Variants in ARFGAP3 observed in about 807,000 individuals in gnomAD.
The protein encoded by ARFGAP3 is ADP-ribosylation factor GTPase-activating protein 3.
In ARFGAP3, 72 loss-of-function variants were observed where a neutral mutation model predicts 75.0. The observed-to-expected ratio is 0.96, with a 90% confidence interval of 0.79 to 1.17. ARFGAP3 has a LOEUF of 1.17. Among genes scored for constraint, ARFGAP3 ranks in the 50% most tolerant of loss-of-function variants. The pLI is 0.00. For synonymous variants in ARFGAP3, 221 were observed against 217.9 expected (o/e 1.01, Z -0.13); for missense variants, 620 against 626.6 (o/e 0.99, Z 0.11).
intron 6 of ARFGAP3, among the ~76,000 whole-genome samples, chr22:42,829,182 C>A (rs1196042304): frequency 6.6e-6 from 1 of 152,192 alleles, no homozygotes; most frequent in East Asian, 1.9e-4. Flanking sequence ...CAATCTCTCT[C>A]TGGAAGAGCT....
At chr22:42,803,774 T>G (rs1290217707) in intron 14 of ARFGAP3, among the ~76,000 whole-genome samples, 3 of 152,058 alleles carry the variant, frequency 2.0e-5, no homozygotes, top group Non-Finnish European at 4.4e-5. Flanking sequence ...CGGCCGCAGG[T>G]CTCCTGGGCT....
chr22:42,803,932 C>A (rs1393962127), intron 14 of ARFGAP3, among the ~76,000 whole-genome samples: 1 of 139,342 alleles, frequency 7.2e-6, no homozygotes, highest in Non-Finnish European at 1.5e-5. Flanking sequence ...GATACAAGGC[C>A]TGGCTCTATC....
chr22:42,852,826 G>C, intron 1 of ARFGAP3, among the ~76,000 whole-genome samples: 1 of 152,056 alleles, frequency 6.6e-6, no homozygotes, highest in East Asian at 1.9e-4. Context: ...GTGCAGTGGC[G>C]TGACCTTGGT....
chr22:42,821,250 G>A (rs747131804), intron 9 of ARFGAP3, among the ~76,000 whole-genome samples: 5 of 152,126 alleles, frequency 3.3e-5, no homozygotes, highest in Non-Finnish European at 5.9e-5. Context: ...TTCACATACC[G>A]TAAAACTCAC....
chr22:42,814,599 C>A (rs1016688494), intron 11 of ARFGAP3, among the ~76,000 whole-genome samples: 1 of 152,204 alleles, frequency 6.6e-6, no homozygotes, highest in African/African-American at 2.4e-5. Context: ...ATCCCTGAAG[C>A]CTTTACAAGG....
intron 7 of ARFGAP3, chr22:42,823,908 C>T (rs536970454): frequency 4.7e-5 from 13 of 274,520 alleles, no homozygotes; most frequent in South Asian, 2.8e-4. Context: ...AGTATTTCCA[C>T]GCAGTCTCCA....
At chr22:42,805,840 C>G (rs1010981702) in intron 14 of ARFGAP3, among the ~76,000 whole-genome samples, 4 of 152,196 alleles carry the variant, frequency 2.6e-5, no homozygotes, top group African/African-American at 9.6e-5. Flanking sequence ...CCTTGGGCTG[C>G]CTGGCTCTCT....
At chr22:42,834,118 A>G (rs1926416432) in intron 5 of ARFGAP3, 124 bp downstream of exon 5, 2 of 848,096 alleles carry the variant, frequency 2.4e-6, no homozygotes, top group East Asian at 2.6e-5. Flanking sequence ...TTCTCTCTTC[A>G]GTAGTTATGT....
intron 1 of ARFGAP3, among the ~76,000 whole-genome samples, chr22:42,848,013 C>T (rs946949205): frequency 1.8e-4 from 27 of 151,286 alleles, no homozygotes; most frequent in Middle Eastern, 3.5e-3. Context: ...TACAGGCTCA[C>T]ACCACTATAC....
At chr22:42,828,858 T>C (rs543116410) in intron 6 of ARFGAP3, among the ~76,000 whole-genome samples, 3 of 152,102 alleles carry the variant, frequency 2.0e-5, no homozygotes, top group Admixed American at 2.0e-4. Context: ...CTAATTTTTG[T>C]ATTTTTAGTA....
intron 14 of ARFGAP3, 167 bp from the exon 15 acceptor site, chr22:42,799,327 G>T: frequency 1.3e-6 from 1 of 792,692 alleles, no homozygotes; most frequent in Non-Finnish European, 1.5e-6. Context: ...TGGCAGCCCT[G>T]CCATGATCCA....
At chr22:42,854,603 C>T (rs1208725923) in intron 1 of ARFGAP3, among the ~76,000 whole-genome samples, 2 of 147,914 alleles carry the variant, frequency 1.4e-5, no homozygotes, top group East Asian at 2.0e-4. Context: ...CCAGACTGGA[C>T]AACAGAGCTA....
At chr22:42,820,747 C>G (rs1240079567) in intron 9 of ARFGAP3, among the ~76,000 whole-genome samples, 1 of 152,128 alleles carries the variant, frequency 6.6e-6, no homozygotes, top group Non-Finnish European at 1.5e-5. Flanking sequence ...CTCCGCCCTT[C>G]TCTCCTGATC....
At chr22:42,823,909 G>A (rs1402279730) in intron 7 of ARFGAP3, 5 of 269,834 alleles carry the variant, frequency 1.9e-5, no homozygotes, top group African/African-American at 6.9e-5. Flanking sequence ...GTATTTCCAC[G>A]CAGTCTCCAA....
intron 7 of ARFGAP3, among the ~76,000 whole-genome samples, chr22:42,826,705 G>A (rs1182570805): frequency 1.3e-5 from 2 of 151,998 alleles, no homozygotes; most frequent in African/African-American, 4.8e-5. Flanking sequence ...CAGCCACAAT[G>A]CTGCATTTTA....
rs773460822 is a variant in ARFGAP3 at position 42,797,539 on chromosome 22, T to C, written c.*49A>G. 6.2e-7 allele frequency: 1 copy of C among 1,613,404 alleles called. No individual in the cohort carries two copies. The highest frequency in any genetic ancestry group is 8.5e-7 in the Non-Finnish European group (1 of 1,179,392). On this transcript the variant is annotated 3_prime_UTR_variant, in exon 16 of 16. Transcript: ENST00000263245. ...CTGCCGCCTGAGATGTGGTTACTTGTTCATTTAAAGAGGAATTTCTCCAGG... is the reference window on the plus strand; with the variant it reads ...CTGCCGCCTGAGATGTGGTTACTTGCTCATTTAAAGAGGAATTTCTCCAGG...
intron 11 of ARFGAP3, among the ~76,000 whole-genome samples, chr22:42,811,700 A>T (rs181981713): frequency 1.8e-4 from 28 of 152,232 alleles, no homozygotes; most frequent in Non-Finnish European, 3.5e-4. Context: ...CCTGGCCTTC[A>T]GATCAGTTTA....
intron 1 of ARFGAP3, 51 bp downstream of exon 1, chr22:42,857,063 C>G: frequency 6.8e-7 from 1 of 1,468,628 alleles, no homozygotes; most frequent in Non-Finnish European, 9.0e-7. Flanking sequence ...GGGCCTCCCG[C>G]CGGTTCCCGC....
chr22:42,844,736 A>C (rs762668267), intron 2 of ARFGAP3, among the ~76,000 whole-genome samples: 39 of 152,192 alleles, frequency 2.6e-4, no homozygotes, highest in Non-Finnish European at 4.6e-4. Flanking sequence ...ATGTTTAAAG[A>C]ATAGCTCTTC....
Sources: gnomAD v4.1 joint callset for allele counts (sites outside exome capture counted in the v4.1 genomes callset) on GRCh38, gnomAD v4.1.1 for gene constraint, MANE v1.5 for transcripts, NCBI Gene and HGNC (gene_info 2026-07-23, HGNC 2026-07-21) for gene names.